The following EGF variants were observed in gnomAD, a reference collection of about 807,000 sequenced individuals.
EGF encodes epidermal growth factor.
A neutral mutation model predicts 143.8 loss-of-function variants in EGF; 95 were observed. The observed-to-expected ratio is 0.66, with a 90% confidence interval of 0.56 to 0.78. The LOEUF (loss-of-function observed/expected upper bound fraction) is 0.78, where lower values mean the gene tolerates loss of function less well. EGF is among the 30% of genes least tolerant of loss of function. The probability of loss-of-function intolerance (pLI) is 0.00; values close to 1 mark genes in which losing one functional copy is unlikely to be tolerated. For synonymous variants in EGF, 510 were observed against 510.5 expected, an observed-to-expected ratio of 1.00 and a Z score of 0.01; for missense variants, 1,320 against 1,470.9, an observed-to-expected ratio of 0.90 and a Z score of 1.68.
At chr4:109,943,151 T>C in intron 2 of EGF, 103 bp from the exon 3 acceptor site, 1 of 838,990 alleles carries the variant, frequency 1.2e-6, no homozygotes, top group South Asian at 2.1e-5. Context: ...TGCATAAAGA[T>C]GACAAATACT....
intron 22 of EGF, among the ~76,000 whole-genome samples, chr4:110,004,996 A>G (rs1026683259): frequency 9.1e-5 from 8 of 88,168 alleles, no homozygotes; most frequent in African/African-American, 3.1e-4. Flanking sequence ...CTTCTAATTT[A>G]TTTTCTTTCT....
intron 18 of EGF, among the ~76,000 whole-genome samples, chr4:109,992,750 T>C (rs927661168): frequency 6.6e-6 from 1 of 152,058 alleles, no homozygotes. Flanking sequence ...ATATACACCA[T>C]GGAATACTAT....
intron 1 of EGF, among the ~76,000 whole-genome samples, chr4:109,919,762 G>A (rs891603183): frequency 3.3e-5 from 5 of 151,500 alleles, no homozygotes; most frequent in Admixed American, 6.6e-5. Flanking sequence ...GTAGGCCCCG[G>A]AATCTCTCAG....
At position 109,974,957 on chromosome 4, in the gene EGF, T is replaced by C; in HGVS notation, c.1829+150T>C. The stretch of plus-strand genomic sequence containing the variant: ...ATTCCTCATGCTTTTAATGTCTTGA[T>C]TTTCTATTCTTGTATAATAATTTTA... On this transcript the variant is annotated intron_variant, in intron 12 of 23. Coordinates refer to ENST00000265171, the MANE Select transcript of EGF (RefSeq NM_001963.6). 10 of 600,950 alleles carry C rather than the reference T, an allele frequency of 1.7e-5. No homozygotes were observed. The South Asian group carries it at 2.1e-4, about 12-fold the overall frequency. The allele number at this position is 600,950 out of a possible 1,614,324, so 37.2% of individuals were successfully genotyped here.
chr4:109,999,057 G>GTCC (rs1560761777), intron 20 of EGF, among the ~76,000 whole-genome samples: 2 of 152,162 alleles, frequency 1.3e-5, no homozygotes. Flanking sequence ...GTAGGTGAAC[G>GTCC]TCCCTTTTTC....
intron 1 of EGF, among the ~76,000 whole-genome samples, chr4:109,919,667 T>C (rs938850612): frequency 6.8e-6 from 1 of 147,728 alleles, no homozygotes; most frequent in Non-Finnish European, 1.5e-5. Flanking sequence ...GGGAACTACT[T>C]CCAGGAGCAC....
At position 109,994,748 on chromosome 4, in the gene EGF, C is replaced by T. The variant is rs1371085955; in HGVS notation, c.2873C>T (p.Pro958Leu). 2 of 1,614,092 alleles carry T rather than the reference C, an allele frequency of 1.2e-6. No individual in the cohort carries two copies. Among genetic ancestry groups the T allele is most frequent in the South Asian group, 2.2e-5 (2 of 91,076 alleles). The change falls in exon 20 of 24, where the codon CCT becomes CTT. Residue 958 changes from proline to leucine, a missense_variant. This residue lies in a region of EGF where 1,186 missense variants were observed against 1,313.7 expected (regional missense o/e 0.90). Coordinates refer to ENST00000265171, the MANE Select transcript of EGF (RefSeq NM_001963.6). ...GLICPDSTPP[P>L]HLREDDHHYS... ...GTTCTTTTAGACTCTACTCCACCCC[C>T]TCACCTCAGGGAAGATGACCACCAC... is the stretch of plus-strand genomic sequence containing the variant.
At chr4:109,931,514 T>C (rs754595651) in intron 1 of EGF, among the ~76,000 whole-genome samples, 7 of 152,206 alleles carry the variant, frequency 4.6e-5, no homozygotes, top group African/African-American at 7.2e-5. Flanking sequence ...TAGATTGCGA[T>C]TGCAGTACCT....
At chr4:109,926,259 G>A (rs929238536) in intron 1 of EGF, among the ~76,000 whole-genome samples, 11 of 152,056 alleles carry the variant, frequency 7.2e-5, no homozygotes, top group Non-Finnish European at 1.5e-4. Context: ...AGGCTGAGGC[G>A]GGAGGATCTC....
intron 13 of EGF, 144 bp from the exon 14 acceptor site, chr4:109,979,828 G>T: frequency 2.3e-6 from 2 of 886,578 alleles, no homozygotes; most frequent in Non-Finnish European, 3.5e-6. Context: ...AGGTGTGTGA[G>T]TCGGTGGCTC....
At chr4:109,983,656 A>T (rs772757988) in intron 16 of EGF, 115 bp downstream of exon 16, 8 of 1,408,438 alleles carry the variant, frequency 5.7e-6, no homozygotes, top group Non-Finnish European at 7.9e-6. Flanking sequence ...CACAAGGCTA[A>T]TGAAACCAAA....
In EGF at chr4:109,945,187, C is replaced by T. The variant is rs1420382423; in HGVS notation, c.852C>T (p.Asn284=). Residue 284 remains asparagine (N), a synonymous_variant, in exon 5 of 24, where the codon AAC becomes AAT. Transcript: ENST00000265171. The stretch of plus-strand genomic sequence containing the variant: ...CTGGAAAGGACATGGTTAGAATTAA[C>T]CTCCATTCATCATTTGTACCACTTG... ...KHTGKDMVRI[N]LHSSFVPLGE... The T allele has an allele frequency of 6.2e-7, 1 of 1,614,002 alleles. No homozygotes were observed. Among genetic ancestry groups the T allele is most frequent in the South Asian group, 1.1e-5 (1 of 91,072 alleles).
At position 109,979,981 on chromosome 4, in the gene EGF, T is replaced by C. The variant is rs1299772375; in HGVS notation, c.2063T>C (p.Phe688Ser). ...RLTQNDVGHP[F>S]AVAVFEDYVW... Reference sequence around the variant, plus strand: ...CTTGAATTGTTTCCAGGTCACCCATTTGCTGTAGCAGTGTTTGAGGATTAT... The same window carrying C: ...CTTGAATTGTTTCCAGGTCACCCATCTGCTGTAGCAGTGTTTGAGGATTAT... The change falls in exon 14 of 24, where the codon TTT (phenylalanine) becomes TCT (serine). Residue 688 changes from phenylalanine (F) to serine (S), a missense_variant. Transcript: ENST00000265171. 6.2e-7 allele frequency: 1 copy of C among 1,614,014 alleles called. No individual in the cohort carries two copies.
intron 15 of EGF, 37 bp from the exon 16 acceptor site, chr4:109,983,385 A>G: frequency 6.2e-7 from 1 of 1,609,338 alleles, no homozygotes; most frequent in Non-Finnish European, 8.5e-7. Flanking sequence ...TTGAAACAGA[A>G]AAGCTAAATT....
At chr4:109,982,994 G>T (rs1328647995) in intron 15 of EGF, among the ~76,000 whole-genome samples, 1 of 152,114 alleles carries the variant, frequency 6.6e-6, no homozygotes, top group Admixed American at 6.6e-5. Flanking sequence ...ATTATAAGAT[G>T]TAGGTAAAAT....
intron 18 of EGF, among the ~76,000 whole-genome samples, chr4:109,992,170 TAAAAAAAA>T (rs58841408): frequency 7.6e-5 from 5 of 65,634 alleles, no homozygotes; most frequent in East Asian, 1.2e-3. Flanking sequence ...CAAGATTCTT[TAAAAAAAA>T]AAAAAAAAAA....
intron 13 of EGF, among the ~76,000 whole-genome samples, chr4:109,979,735 A>G (rs2126114117): frequency 6.6e-6 from 1 of 152,234 alleles, no homozygotes; most frequent in East Asian, 1.9e-4. Flanking sequence ...CTGCTGGGTG[A>G]TAGTGGGCCT....
chr4:109,964,281 T>G (rs564730270), intron 9 of EGF, 120 bp from the exon 10 acceptor site: 2 of 1,424,882 alleles, frequency 1.4e-6, no homozygotes, highest in Non-Finnish European at 2.0e-6. Flanking sequence ...AGAGGGAAAT[T>G]AAGAAAACAA....
intron 1 of EGF, among the ~76,000 whole-genome samples, chr4:109,933,206 T>C (rs1433688289): frequency 6.6e-6 from 1 of 152,202 alleles, no homozygotes; most frequent in Non-Finnish European, 1.5e-5. Flanking sequence ...TGGCTTTCTG[T>C]CTAGTGCCCT....
Sources: allele counts gnomAD v4.1 joint callset (sites outside exome capture counted in the v4.1 genomes callset), GRCh38; gene constraint gnomAD v4.1.1; regional missense constraint gnomAD v4.1.1; transcripts MANE v1.5; gene names NCBI Gene and HGNC (gene_info 2026-07-23, HGNC 2026-07-21).